TNRC6B: variants seen among roughly 807,000 people sequenced by gnomAD.
TNRC6B encodes the protein trinucleotide repeat containing adaptor 6B, also known as trinucleotide repeat-containing gene 6B protein.
Under a neutral mutation model 203.6 loss-of-function variants are expected in TNRC6B, and 52 were observed. The observed-to-expected ratio is 0.26, with a 90% CI of 0.20 to 0.32. The LOEUF is 0.32. Among genes scored for constraint, TNRC6B ranks in the 10% least tolerant of loss-of-function variants. TNRC6B has a pLI of 1.00. For missense variants in TNRC6B, 1,923 were observed against 2,286.2 expected (o/e 0.84, Z 3.24); for synonymous variants, 838 against 845.7 (o/e 0.99, Z 0.16).
chr22:40,229,768 T>A (rs1444930180), intron 1 of TNRC6B, among the ~76,000 whole-genome samples: 1 of 152,236 alleles, frequency 6.6e-6, no homozygotes, highest in East Asian at 1.9e-4. Flanking sequence ...TTTAGGTTCA[T>A]CCATGTTGTG....
At chr22:40,097,362 G>A (rs921161792) in intron 1 of TNRC6B, among the ~76,000 whole-genome samples, 5 of 151,962 alleles carry the variant, frequency 3.3e-5, no homozygotes, top group African/African-American at 4.8e-5. Context: ...CTGGAGTGCA[G>A]TGGTGTGATC....
chr22:40,221,524 C>T (rs1452480034), intron 1 of TNRC6B, among the ~76,000 whole-genome samples: 1 of 152,194 alleles, frequency 6.6e-6, no homozygotes, highest in Non-Finnish European at 1.5e-5. Context: ...ACTGCAGCCT[C>T]AACCTCCCTG....
chr22:40,059,824 T>TG (rs60275088), intron 1 of TNRC6B, among the ~76,000 whole-genome samples: 5 of 138,506 alleles, frequency 3.6e-5, no homozygotes, highest in South Asian at 2.1e-4. Flanking sequence ...GGTTTTTTTT[T>TG]TTTTTTTTTT....
chr22:40,210,751 G>A (rs2069550595), intron 1 of TNRC6B, among the ~76,000 whole-genome samples: 1 of 152,146 alleles, frequency 6.6e-6, no homozygotes, highest in African/African-American at 2.4e-5. Context: ...TAAATTGTAA[G>A]GAAAATATTC....
At position 40,133,650 on chromosome 22, in the gene TNRC6B, T is replaced by C. The variant is rs552819638; in HGVS notation, c.45+7788T>C. On this transcript the variant is annotated intron_variant, in intron 3 of 23. Coordinates refer to the TNRC6B transcript ENST00000301923. ...GGGTGAGGGGGAGAAGGCTATTATA[T>C]GCAGAGGGAACTGTGTATAGCATAT... Among the ~76,000 whole-genome samples the C allele has an allele frequency of 2.0e-5, 3 of 152,258 alleles. No homozygotes were observed. The South Asian group carries it at 6.2e-4, about 32-fold the overall frequency.
Position 40,264,786 on chromosome 22 carries a change from A to C in TNRC6B, c.556A>C (p.Ile186Leu), listed in dbSNP as rs779374349. 1.2e-6 allele frequency: 2 copies of C among 1,613,848 alleles called. No homozygotes were observed. The highest frequency in any genetic ancestry group is 8.5e-7 in the Non-Finnish European group (1 of 1,179,896). ...NNGTSPNPIH[I>L]WDKVIVDGSD... is the part of the protein sequence containing the mutation. ...CGGCACCTCCCCCAACCCAATTCAC[A>C]TCTGGGACAAGGTGATTGTAGACGG... is the stretch of plus-strand genomic sequence containing the variant. The change falls in exon 5 of 23, where the codon ATC (isoleucine) becomes CTC (leucine). Residue 186 changes from isoleucine to leucine, a missense_variant. By Grantham distance (5) the Ile-to-Leu change is conservative. Transcript: ENST00000454349.
chr22:40,095,010 A>G (rs1238824593), intron 1 of TNRC6B, among the ~76,000 whole-genome samples: 1 of 152,180 alleles, frequency 6.6e-6, no homozygotes, highest in Non-Finnish European at 1.5e-5. Flanking sequence ...TGATTTGGTT[A>G]GATCATCTCA....
intron 1 of TNRC6B, among the ~76,000 whole-genome samples, chr22:40,108,931 CGCCACCCACCCCCA>C (rs1200781907): frequency 6.0e-5 from 9 of 150,186 alleles, no homozygotes; most frequent in Non-Finnish European, 1.3e-4. Context: ...TCCCTCCCCC[CGCCACCCACCCCCA>C]GCCAACAGGC....
intron 4 of TNRC6B, among the ~76,000 whole-genome samples, chr22:40,170,837 ATG>A (rs2068982815): frequency 1.3e-5 from 1 of 74,536 alleles, no homozygotes; most frequent in African/African-American, 7.4e-5. Flanking sequence ...ATATACATAT[ATG>A]TACATATATG....
At chr22:40,209,778 T>C (rs1031467978) in intron 1 of TNRC6B, among the ~76,000 whole-genome samples, 1 of 152,198 alleles carries the variant, frequency 6.6e-6, no homozygotes, top group African/African-American at 2.4e-5. Context: ...CCCAGCACTT[T>C]GGGAGGCTGA....
upstream of TNRC6B, among the ~76,000 whole-genome samples, chr22:40,173,127 T>C (rs551740201): frequency 1.3e-5 from 2 of 151,300 alleles, no homozygotes; most frequent in East Asian, 3.9e-4. Context: ...TGTTTTTTGG[T>C]TTTTTTTTGA....
intron 1 of TNRC6B, among the ~76,000 whole-genome samples, chr22:40,226,129 A>G (rs2069781968): frequency 6.6e-6 from 1 of 152,236 alleles, no homozygotes; most frequent in Non-Finnish European, 1.5e-5. Flanking sequence ...CTTATCTTTC[A>G]GAAATATACA....
intron 1 of TNRC6B, among the ~76,000 whole-genome samples, chr22:40,202,264 T>TTGTTTTTTTGTTTTG (rs1483866818): frequency 6.6e-6 from 1 of 151,554 alleles, no homozygotes; most frequent in Non-Finnish European, 1.5e-5. Flanking sequence ...TTTTTTGTTT[T>TTGTTTTTTTGTTTTG]TTTTTTTTTT....
rs1425245368 is a variant in TNRC6B at position 40,279,985 on chromosome 22, T to C, written c.3263-10T>C. ...CTGGAAATTTTCACTCTGTGTATGC[T>C]ACTTTTCAGGAAGCCTTTCAGATAA... is the stretch of plus-strand genomic sequence containing the variant. On this transcript the variant is annotated splice_polypyrimidine_tract_variant and intron_variant, in intron 9 of 22. Transcript: ENST00000454349. 6.2e-7 allele frequency: 1 copy of C among 1,613,680 alleles called. No homozygotes were observed. The highest frequency in any genetic ancestry group is 8.5e-7 in the Non-Finnish European group (1 of 1,179,754).
At chr22:40,070,103 C>G (rs2067934600) in intron 1 of TNRC6B, among the ~76,000 whole-genome samples, 1 of 152,014 alleles carries the variant, frequency 6.6e-6, no homozygotes, top group African/African-American at 2.4e-5. Flanking sequence ...AGTTTTATGT[C>G]TTAGTTCTTG....
rs1336127267 is a variant in TNRC6B at position 40,325,466 on chromosome 22, C to T, written c.*2225C>T. Reference sequence around the variant, plus strand: ...TGACTCAAGTGAGTGTTCACATATACAAGCCTGCATGAGCCCTCTGTGGGT... The same window carrying T: ...TGACTCAAGTGAGTGTTCACATATATAAGCCTGCATGAGCCCTCTGTGGGT... On this transcript the variant is annotated 3_prime_UTR_variant, in exon 23 of 23. Transcript: ENST00000454349. 1 of 152,528 alleles carries T rather than the reference C, an allele frequency of 6.6e-6. No homozygotes were observed. The highest frequency in any genetic ancestry group is 1.9e-4 in the East Asian group (1 of 5,198). 9.4% of individuals were successfully genotyped at this position (152,528 alleles called of 1,614,324 possible).
intron 1 of TNRC6B, among the ~76,000 whole-genome samples, chr22:40,198,007 A>G (rs2069363359): frequency 1.3e-5 from 2 of 152,160 alleles, no homozygotes; most frequent in African/African-American, 4.8e-5. Flanking sequence ...TGAAAAACCA[A>G]TTGATTAATA....
chr22:40,178,059 C>A lies in TNRC6B; in HGVS notation c.-77C>A, dbSNP rs772698105. ...AAAAAACAGATAGACAAAAAGAATTCATTTTTTGGACCTTTTTTCATTTCC... is the reference window on the plus strand; with the variant it reads ...AAAAAACAGATAGACAAAAAGAATTAATTTTTTGGACCTTTTTTCATTTCC... On this transcript the variant is annotated 5_prime_UTR_variant, in exon 1 of 23. Transcript: ENST00000454349. The A allele has an allele frequency of 3.8e-6, 6 of 1,592,052 alleles. No individual in the cohort carries two copies. Among genetic ancestry groups the A allele is most frequent in the South Asian group, 1.1e-5 (1 of 87,112 alleles).
chr22:40,297,958 T>TA (rs1045184384), intron 12 of TNRC6B, among the ~76,000 whole-genome samples: 7 of 150,532 alleles, frequency 4.7e-5, no homozygotes, highest in East Asian at 2.0e-4. Context: ...CCGTCTCTAC[T>TA]AAAAAAAATA....
Sources: allele counts gnomAD v4.1 joint callset (sites outside exome capture counted in the v4.1 genomes callset), GRCh38; gene constraint gnomAD v4.1.1; transcripts MANE v1.5; gene names NCBI Gene and HGNC (gene_info 2026-07-23, HGNC 2026-07-21).